The following FAM111B variants were observed in gnomAD, a reference collection of about 807,000 sequenced individuals.
The protein encoded by FAM111B is FAM111 trypsin like peptidase B, also known as serine protease FAM111B.
Under a neutral mutation model 2.8 loss-of-function variants are expected in FAM111B, and 1 was observed. That is an observed-to-expected ratio of 0.36 (90% CI 0.13 to 1.70). The LOEUF (loss-of-function observed/expected upper bound fraction) is 1.70, where lower values mean the gene tolerates loss of function less well. Ranked by LOEUF, FAM111B falls within the 40% of genes most tolerant of loss-of-function variation. The pLI is 0.35. For missense variants in FAM111B, 882 were observed against 878.9 expected (o/e 1.00, Z -0.04); for synonymous variants, 297 against 295.6 (o/e 1.00, Z -0.05).
chr11:59,109,566 A>G lies in FAM111B; in HGVS notation c.-60A>G. ...CATTTCAGGTGGCAGAATAAATTCA[A>G]TCCTTGTTTCTCCATCTTATCGAGT... On this transcript the variant is annotated 5_prime_UTR_variant, in exon 3 of 4. Transcript: ENST00000343597. The G allele has an allele frequency of 2.5e-6, 3 of 1,221,594 alleles. No individual in the cohort carries two copies. The highest frequency in any genetic ancestry group is 3.5e-6 in the Non-Finnish European group (3 of 868,376). The allele number at this position is 1,221,594 out of a possible 1,614,324, so 75.7% of individuals were successfully genotyped here.
In FAM111B at chr11:59,125,886, G is replaced by A. The variant is rs146090062; in HGVS notation, c.1789G>A (p.Glu597Lys). ...IDGCTVIPLN[E>K]RLKKYPNDCQ... ...TGGTTGTACTGTGATTCCTCTAAACGAACGATTGAAAAAATATCCAAACGA... is the reference window on the plus strand; with the variant it reads ...TGGTTGTACTGTGATTCCTCTAAACAAACGATTGAAAAAATATCCAAACGA... The change falls in exon 4 of 4, where the codon GAA becomes AAA. Residue 597 changes from glutamate to lysine, a missense_variant. Physicochemically the swap from Glu to Lys is moderately conservative, Grantham distance 56. Coordinates refer to ENST00000343597, the MANE Select transcript of FAM111B (RefSeq NM_198947.4). The A allele has an allele frequency of 1.1e-5, 17 of 1,613,646 alleles. No homozygotes were observed. The highest frequency in any genetic ancestry group is 1.6e-4 in the Middle Eastern group (1 of 6,080).
intron 3 of FAM111B, among the ~76,000 whole-genome samples, chr11:59,115,146 A>T (rs1859820356): frequency 6.6e-6 from 1 of 152,110 alleles, no homozygotes; most frequent in African/African-American, 2.4e-5. Flanking sequence ...ATCAGACAAG[A>T]GGGGTCAGAG....
intron 3 of FAM111B, among the ~76,000 whole-genome samples, chr11:59,122,866 A>T (rs1285204431): frequency 6.6e-6 from 1 of 152,172 alleles, no homozygotes; most frequent in Non-Finnish European, 1.5e-5. Flanking sequence ...GCACCTACCT[A>T]CTAAATGATC....
At chr11:59,123,920 C>A (rs932922219) in intron 3 of FAM111B, among the ~76,000 whole-genome samples, 3 of 151,722 alleles carry the variant, frequency 2.0e-5, no homozygotes, top group Non-Finnish European at 4.4e-5. Context: ...GTCTTAAGAC[C>A]CTTGTTGAAA....
Position 59,125,215 on chromosome 11 carries a change from G to A in FAM111B, c.1118G>A (p.Arg373Gln), listed in dbSNP as rs145856150. The A allele has an allele frequency of 1.2e-4, 186 of 1,613,866 alleles. 3 individuals are homozygous for A. In the Middle Eastern group the frequency reaches 4.8e-3, roughly 42 times the overall value. Residue 373 changes from arginine to glutamine, a missense_variant, in exon 4 of 4, where the codon CGG becomes CAG. Physicochemically the swap from Arg to Gln is conservative, Grantham distance 43. Coordinates refer to ENST00000343597, the MANE Select transcript of FAM111B (RefSeq NM_198947.4). ...AGACGGAGGCCGCATCTGGGTAGGC[G>A]GTATGCTATTAATCTGGATGTCCAA... ...QVRRRPHLGR[R>Q]YAINLDVQKE...
chr11:59,120,049 A>G (rs565071079), intron 3 of FAM111B, among the ~76,000 whole-genome samples: 5 of 152,328 alleles, frequency 3.3e-5, no homozygotes, highest in African/African-American at 1.2e-4. Context: ...AGAAAATGTA[A>G]TCATCAAAAA....
chr11:59,107,980 G>A (rs1859691741), intron 1 of FAM111B, among the ~76,000 whole-genome samples: 2 of 152,140 alleles, frequency 1.3e-5, no homozygotes, highest in South Asian at 2.1e-4. Flanking sequence ...TAGGTTCTGG[G>A]GCTTTAGGAA....
chr11:59,107,419 G>A (rs1236076724), intron 1 of FAM111B, 123 bp downstream of exon 1: 1 of 152,808 alleles, frequency 6.5e-6, no homozygotes, highest in Non-Finnish European at 1.5e-5. Context: ...CTGGGCAGCC[G>A]CCCGTTGTAA....
chr11:59,107,893 T>C (rs903646677), intron 1 of FAM111B, among the ~76,000 whole-genome samples: 9 of 152,206 alleles, frequency 5.9e-5, no homozygotes, highest in African/African-American at 2.2e-4. Flanking sequence ...TCGTTTCCCA[T>C]CTTGTAGCAC....
At chr11:59,114,529 G>A (rs1190688863) in intron 3 of FAM111B, among the ~76,000 whole-genome samples, 1 of 152,128 alleles carries the variant, frequency 6.6e-6, no homozygotes, top group African/African-American at 2.4e-5. Flanking sequence ...CAGAGAGGGA[G>A]CAGAAATGAC....
Position 59,125,404 on chromosome 11 carries a change from A to G in FAM111B, c.1307A>G (p.Lys436Arg). The G allele has an allele frequency of 1.2e-6, 2 of 1,614,002 alleles. No homozygotes were observed. The highest frequency in any genetic ancestry group is 1.7e-6 in the Non-Finnish European group (2 of 1,179,840). Reference protein sequence around the residue: ...SPAKQFNIYKKDFGKMTANSV... With the variant: ...SPAKQFNIYKRDFGKMTANSV... ...GCTAAGCAATTCAACATATATAAAA[A>G]GGACTTCGGAAAAATGACTGCAAAT... The change falls in exon 4 of 4, where the codon AAG becomes AGG. Residue 436 changes from lysine (K) to arginine (R), a missense_variant. Coordinates refer to ENST00000343597, the MANE Select transcript of FAM111B (RefSeq NM_198947.4).
At chr11:59,107,570 C>T (rs1218431398) in intron 1 of FAM111B, among the ~76,000 whole-genome samples, 1 of 152,182 alleles carries the variant, frequency 6.6e-6, no homozygotes, top group East Asian at 1.9e-4. Context: ...CGTTCGCGCC[C>T]ATAGAAGGAG....
intron 3 of FAM111B, among the ~76,000 whole-genome samples, chr11:59,123,487 C>T (rs530811092): frequency 6.6e-6 from 1 of 152,018 alleles, no homozygotes; most frequent in Non-Finnish European, 1.5e-5. Flanking sequence ...TCCTCAGTTG[C>T]GGTATTTCCA....
At chr11:59,108,902 T>C (rs191479087) in intron 2 of FAM111B, among the ~76,000 whole-genome samples, 190 bp downstream of exon 2, 6 of 152,364 alleles carry the variant, frequency 3.9e-5, no homozygotes, top group Admixed American at 3.9e-4. Flanking sequence ...TTTACATTCC[T>C]ATCAATATTC....
rs77615004 is a variant in FAM111B, at chr11:59,109,840, G to T, written c.81+134G>T. The T allele has an allele frequency of 7.2e-3, 3,556 of 494,134 alleles. 91 individuals are homozygous for T. The highest frequency in any genetic ancestry group is 0.061 in the African/African-American group (3,115 of 51,176). The allele number at this position is 494,134 out of a possible 1,614,324, so 30.6% of individuals were successfully genotyped here. On this transcript the variant is annotated intron_variant, in intron 3 of 3. Transcript: ENST00000343597. The stretch of plus-strand genomic sequence containing the variant: ...TTAGGTAGTTTAAAATATATTTGGG[G>T]AGCTCATACACATAAGTGCTTGTGG...
In FAM111B at chr11:59,124,336, G is replaced by A. The variant is rs1325583054; in HGVS notation, c.239G>A (p.Cys80Tyr). ...CCAAATTTGAACAATAAAGAATGTTGTTTCACCTTTACGTTGAATGGAAAC... is the reference window on the plus strand; with the variant it reads ...CCAAATTTGAACAATAAAGAATGTTATTTCACCTTTACGTTGAATGGAAAC... ...QNPNLNNKEC[C>Y]FTFTLNGNSR... Residue 80 changes from cysteine to tyrosine, a missense_variant, in exon 4 of 4, where the codon TGT becomes TAT. Cys to Tyr is a radical substitution (Grantham distance 194, BLOSUM62 -2). Transcript: ENST00000343597. 1 of 1,613,624 alleles carries A rather than the reference G, an allele frequency of 6.2e-7. No individual in the cohort carries two copies. Among genetic ancestry groups the A allele is most frequent in the African/African-American group, 1.3e-5 (1 of 74,892 alleles).
At chr11:59,123,106 A>G (rs998607878) in intron 3 of FAM111B, among the ~76,000 whole-genome samples, 2 of 152,170 alleles carry the variant, frequency 1.3e-5, no homozygotes, top group Admixed American at 1.3e-4. Flanking sequence ...ATTTATTTAT[A>G]TATCCCATCC....
chr11:59,123,069 A>G (rs972283159), intron 3 of FAM111B, among the ~76,000 whole-genome samples: 1 of 152,158 alleles, frequency 6.6e-6, no homozygotes, highest in Non-Finnish European at 1.5e-5. Flanking sequence ...CTGGGCTACT[A>G]CCAACTGATT....
chr11:59,112,001 A>G (rs1012432370), intron 3 of FAM111B, among the ~76,000 whole-genome samples: 3 of 152,198 alleles, frequency 2.0e-5, no homozygotes, highest in African/African-American at 7.2e-5. Flanking sequence ...TATGTATTTC[A>G]TATACAGTAA....
Sources: allele counts gnomAD v4.1 joint callset (sites outside exome capture counted in the v4.1 genomes callset), GRCh38; gene constraint gnomAD v4.1.1; transcripts MANE v1.5; gene names NCBI Gene and HGNC (gene_info 2026-07-23, HGNC 2026-07-21).